BCR: variants seen among roughly 807,000 people sequenced by gnomAD.
The protein encoded by BCR is BCR activator of RhoGEF and GTPase.
Under a neutral mutation model 138.6 loss-of-function variants are expected in BCR, and 58 were observed. The observed-to-expected ratio is 0.42, with a 90% confidence interval of 0.34 to 0.52. The LOEUF (loss-of-function observed/expected upper bound fraction) is 0.52. Ranked by LOEUF, BCR falls within the 20% of genes least tolerant of loss-of-function variation. The probability of loss-of-function intolerance (pLI) is 0.06; values close to 1 mark genes in which losing one functional copy is unlikely to be tolerated. For missense variants in BCR, 1,599 were observed against 1,727.2 expected, an observed-to-expected ratio of 0.93 and a Z score of 1.32; for synonymous variants, 786 against 730.1, an observed-to-expected ratio of 1.08 and a Z score of -1.23.
At chr22:23,268,184 G>C (rs559352147) in intron 4 of BCR, among the ~76,000 whole-genome samples, 6 of 152,230 alleles carry the variant, frequency 3.9e-5, no homozygotes, top group Admixed American at 3.9e-4. Flanking sequence ...GCCTGGCGCC[G>C]TGAGTCACTT....
chr22:23,270,926 C>T (rs114668588), intron 5 of BCR, among the ~76,000 whole-genome samples: 5,618 of 152,308 alleles, frequency 0.037, 150 homozygotes, highest in African/African-American at 0.068. Flanking sequence ...CTTGCAGATC[C>T]GGAGAGGGCA....
rs1036797438 is a variant in BCR at position 23,291,380 on chromosome 22, T to G, written c.2782+967T>G. Among the ~76,000 whole-genome samples, 8 of 151,928 alleles carry G rather than the reference T, an allele frequency of 5.3e-5. No individual in the cohort carries two copies. The South Asian group carries it at 1.7e-3, about 32-fold the overall frequency. On this transcript the variant is annotated intron_variant, in intron 14 of 22. Coordinates refer to ENST00000305877, the MANE Select transcript of BCR (RefSeq NM_004327.4). ...ACTGTGGTGCTGTTTGCGCTCACAT[T>G]TACATTTCCTAAAATTCTTTAAACC...
intron 15 of BCR, 60 bp from the exon 16 acceptor site, chr22:23,294,964 T>G (rs2073828965): frequency 6.3e-7 from 1 of 1,587,118 alleles, no homozygotes; most frequent in East Asian, 2.3e-5. Context: ...AGAGGACCCT[T>G]CAGCCATAAC....
chr22:23,294,378 C>G (rs2073822706), intron 15 of BCR, among the ~76,000 whole-genome samples: 1 of 152,216 alleles, frequency 6.6e-6, no homozygotes, highest in Admixed American at 6.5e-5. Flanking sequence ...CCTGCATCGA[C>G]AGATCATTAT....
At chr22:23,287,911 G>A (rs2073736142) in intron 11 of BCR, among the ~76,000 whole-genome samples, 186 bp from the exon 12 acceptor site, 1 of 152,218 alleles carries the variant, frequency 6.6e-6, no homozygotes, top group Admixed American at 6.5e-5. Flanking sequence ...CAGAGGTGCT[G>A]TGGCACCCAG....
intron 1 of BCR, among the ~76,000 whole-genome samples, chr22:23,226,671 A>G (rs762601): frequency 0.59 from 90,465 of 152,068 alleles, 27,718 homozygotes; most frequent in African/African-American, 0.74. Context: ...CTTATGTATA[A>G]CATTTGGCTG....
At position 23,315,532 on chromosome 22, in the gene BCR, T is replaced by TC; in HGVS notation, c.*12dup. On this transcript the variant is annotated 3_prime_UTR_variant, in exon 23 of 23. Transcript: ENST00000305877. ...CTCCACCGAAGTCTAAAGGTCCCAG[T>TC]CCATCTCCTGGAGGCGGACAGATGG... The TC allele has an allele frequency of 1.2e-6, 2 of 1,611,268 alleles. No homozygotes were observed. Among genetic ancestry groups the TC allele is most frequent in the Non-Finnish European group, 1.7e-6 (2 of 1,179,226 alleles).
chr22:23,268,363 G>C (rs771889756), intron 4 of BCR, 45 bp from the exon 5 acceptor site: 3 of 1,473,938 alleles, frequency 2.0e-6, no homozygotes, highest in Non-Finnish European at 1.9e-6. Flanking sequence ...AAAGATGGGG[G>C]AGCAGCAGCA....
chr22:23,253,623 C>T (rs1046797783), intron 1 of BCR, among the ~76,000 whole-genome samples, 176 bp from the exon 2 acceptor site: 2 of 152,152 alleles, frequency 1.3e-5, no homozygotes, highest in Admixed American at 6.5e-5. Flanking sequence ...TGTTCATCCC[C>T]CCTCACCTTG....
At chr22:23,277,930 G>A (rs551558507) in intron 8 of BCR, among the ~76,000 whole-genome samples, 3 of 152,330 alleles carry the variant, frequency 2.0e-5, no homozygotes, top group South Asian at 2.1e-4. Flanking sequence ...CCTGGGGGCC[G>A]TGAGCCACAG....
chr22:23,233,547 A>G (rs1219559019), intron 1 of BCR, among the ~76,000 whole-genome samples: 1 of 152,144 alleles, frequency 6.6e-6, no homozygotes, highest in Non-Finnish European at 1.5e-5. Context: ...CAGCACTTTG[A>G]GAGGCTGAGG....
chr22:23,219,642 G>A (rs1297258932), intron 1 of BCR, among the ~76,000 whole-genome samples: 8 of 152,286 alleles, frequency 5.3e-5, no homozygotes, highest in African/African-American at 1.2e-4. Context: ...GGGCACTGGC[G>A]GTGCGGGAGC....
At chr22:23,186,285 A>G (rs773015105) in intron 1 of BCR, among the ~76,000 whole-genome samples, 1 of 152,234 alleles carries the variant, frequency 6.6e-6, no homozygotes, top group Non-Finnish European at 1.5e-5. Context: ...ATGGTAAAAT[A>G]TGCTTAACTT....
At chr22:23,230,955 G>C (rs1309111200) in intron 1 of BCR, among the ~76,000 whole-genome samples, 16 of 152,136 alleles carry the variant, frequency 1.1e-4, no homozygotes, top group Admixed American at 9.8e-4. Context: ...ACAGTATCCC[G>C]AACCATCTAA....
At chr22:23,191,441 C>T (rs564820106) in intron 1 of BCR, among the ~76,000 whole-genome samples, 1 of 144,674 alleles carries the variant, frequency 6.9e-6, no homozygotes, top group South Asian at 2.2e-4. Context: ...CTCCAAGGGC[C>T]TTGTCTTTAA....
intron 22 of BCR, 55 bp from the exon 23 acceptor site, chr22:23,315,378 G>A (rs2074058389): frequency 5.2e-6 from 8 of 1,544,518 alleles, no homozygotes; most frequent in African/African-American, 1.4e-5. Context: ...CCTCCCACCA[G>A]CAGCTGTGAG....
At chr22:23,208,433 G>A (rs1374737741) in intron 1 of BCR, among the ~76,000 whole-genome samples, 3 of 151,612 alleles carry the variant, frequency 2.0e-5, no homozygotes, top group Non-Finnish European at 4.4e-5. Context: ...TTTTAATCAA[G>A]GTAAAATACA....
chr22:23,239,427 T>G (rs1402366669), intron 1 of BCR, among the ~76,000 whole-genome samples: 7 of 152,116 alleles, frequency 4.6e-5, no homozygotes, highest in Non-Finnish European at 1.0e-4. Flanking sequence ...ACGGATACAT[T>G]GTGTGGCTGA....
At chr22:23,276,127 C>T (rs1191512487) in intron 8 of BCR, among the ~76,000 whole-genome samples, 1 of 152,062 alleles carries the variant, frequency 6.6e-6, no homozygotes, top group African/African-American at 2.4e-5. Flanking sequence ...CGGCTGGGCG[C>T]GGTGGCTCAC....
Sources: gnomAD v4.1 joint callset for allele counts (sites outside exome capture counted in the v4.1 genomes callset) on GRCh38, gnomAD v4.1.1 for gene constraint, MANE v1.5 for transcripts, NCBI Gene and HGNC (gene_info 2026-07-23, HGNC 2026-07-21) for gene names.